Variants in BBS12 observed in about 807,000 individuals in gnomAD.
BBS12 encodes Bardet-Biedl syndrome 12, also known as chaperonin-containing T-complex member BBS12.
In BBS12, 5 loss-of-function variants were observed where a neutral mutation model predicts 5.6. The observed-to-expected ratio is 0.89, with a 90% confidence interval of 0.46 to 1.86. The LOEUF is 1.86. Among genes scored for constraint, BBS12 ranks in the 40% most tolerant of loss-of-function variants. BBS12 has a pLI of 0.01. For missense variants in BBS12, 748 were observed against 830.4 expected, an observed-to-expected ratio of 0.90 and a Z score of 1.22; for synonymous variants, 308 against 306.8, an observed-to-expected ratio of 1.00 and a Z score of -0.04.
the BBS12 span, among the ~76,000 whole-genome samples, chr4:122,715,853 A>T: frequency 6.6e-6 from 1 of 152,162 alleles, no homozygotes; most frequent in Non-Finnish European, 1.5e-5. Context: ...CTTGGGTCAA[A>T]TTTTTTATAT....
Position 122,743,123 on chromosome 4 carries a change from C to T in BBS12, c.1231C>T (p.Leu411Phe). 2 of 1,614,228 alleles carry T rather than the reference C, an allele frequency of 1.2e-6. No homozygotes were observed. Among genetic ancestry groups the T allele is most frequent in the South Asian group, 1.1e-5 (1 of 91,086 alleles). The change falls in exon 2 of 2, where the codon CTT becomes TTT. Residue 411 changes from leucine to phenylalanine, a missense_variant. Leu to Phe is a conservative substitution (Grantham distance 22). Coordinates refer to ENST00000314218, the MANE Select transcript of BBS12 (RefSeq NM_152618.3). ...LQVLIQFKVNLVLVQGNVSER... is the reference protein window; with the variant it reads ...LQVLIQFKVNFVLVQGNVSER... ...GGTGTTAATCCAGTTCAAGGTGAAC[C>T]TTGTCCTGGTACAAGGAAATGTGTC...
At position 122,742,472 on chromosome 4, in the gene BBS12, C is replaced by G. The variant is rs200300023; in HGVS notation, c.580C>G (p.Leu194Val). The change falls in exon 2 of 2, where the codon CTT (leucine) becomes GTT (valine). Residue 194 changes from leucine to valine, a missense_variant. By Grantham distance (32) the Leu-to-Val change is conservative (BLOSUM62 1). Coordinates refer to ENST00000314218, the MANE Select transcript of BBS12 (RefSeq NM_152618.3). ...LTISNLSGRP[L>V]KSYELFKPQT... ...CATTTCCAACCTTTCTGGGAGACCT[C>G]TTAAATCATATGAATTATTTAAACC... 8 of 1,613,964 alleles carry G rather than the reference C, an allele frequency of 5.0e-6. No individual in the cohort carries two copies. The highest frequency in any genetic ancestry group is 3.3e-4 in the Middle Eastern group (2 of 6,084).
the BBS12 span, among the ~76,000 whole-genome samples, chr4:122,727,566 T>TTTTTTTTTTTTTTTTTTG: frequency 9.6e-6 from 1 of 104,212 alleles, no homozygotes; most frequent in African/African-American, 4.9e-5. Flanking sequence ...TTTTTTTTTT[T>TTTTTTTTTTTTTTTTTTG]TGAGATGGAG....
the BBS12 span, among the ~76,000 whole-genome samples, chr4:122,708,142 G>T: frequency 1.3e-5 from 2 of 151,816 alleles, no homozygotes; most frequent in African/African-American, 4.8e-5. Context: ...CTCCCGAGTA[G>T]CTGGGACCAC....
upstream of BBS12, chr4:122,728,751 T>C (rs1255203858): frequency 6.6e-6 from 1 of 152,234 alleles, no homozygotes; most frequent in Non-Finnish European, 1.5e-5. Flanking sequence ...CCTCTTGTGT[T>C]GACAAGACAA....
chr4:122,716,831 T>G, the BBS12 span, among the ~76,000 whole-genome samples: 5 of 152,020 alleles, frequency 3.3e-5, no homozygotes, highest in African/African-American at 1.2e-4. Context: ...GACTTTTCAT[T>G]AACATAAGTG....
chr4:122,713,318 AT>A, the BBS12 span, among the ~76,000 whole-genome samples: 187 of 150,486 alleles, frequency 1.2e-3, 2 homozygotes, highest in African/African-American at 3.1e-3. Flanking sequence ...TGTATTTTTA[AT>A]TTTTTTTTTA....
At chr4:122,704,575 G>A in the BBS12 span, among the ~76,000 whole-genome samples, 3 of 152,110 alleles carry the variant, frequency 2.0e-5, no homozygotes, top group African/African-American at 4.8e-5. Flanking sequence ...AATATAAGAC[G>A]GTACTTTAGA....
chr4:122,715,250 G>A, the BBS12 span, among the ~76,000 whole-genome samples: 1 of 149,978 alleles, frequency 6.7e-6, no homozygotes, highest in African/African-American at 2.5e-5. Context: ...TCCAGGCTTT[G>A]TGAATTCTCT....
intron 1 of BBS12, among the ~76,000 whole-genome samples, 180 bp downstream of exon 1, chr4:122,733,064 G>A (rs572457616): frequency 6.6e-6 from 1 of 152,184 alleles, no homozygotes; most frequent in Non-Finnish European, 1.5e-5. Context: ...AGAGGGGACT[G>A]CCCTTTCTTT....
intron 1 of BBS12, among the ~76,000 whole-genome samples, chr4:122,739,362 A>AAT (rs777289882): frequency 6.6e-6 from 1 of 152,256 alleles, no homozygotes; most frequent in African/African-American, 2.4e-5. Flanking sequence ...AGTTCATTCA[A>AAT]AAGTTAAAGA....
the BBS12 span, among the ~76,000 whole-genome samples, chr4:122,714,418 C>A: frequency 0.011 from 1,619 of 152,250 alleles, 14 homozygotes; most frequent in Non-Finnish European, 0.018. Context: ...CCTAGAAAAG[C>A]TTTTATGTGT....
chr4:122,707,530 T>C, the BBS12 span, among the ~76,000 whole-genome samples: 2 of 152,228 alleles, frequency 1.3e-5, no homozygotes, highest in African/African-American at 4.8e-5. Context: ...GCTTACAAAT[T>C]GAGACCACCA....
At chr4:122,727,548 T>TG in the BBS12 span, among the ~76,000 whole-genome samples, 1 of 95,320 alleles carries the variant, frequency 1.0e-5, no homozygotes, top group African/African-American at 5.6e-5. Flanking sequence ...TGGCCAATTT[T>TG]TTTTTTTTTT....
In BBS12 at chr4:122,743,911, G is replaced by T. The variant is rs751128980; in HGVS notation, c.2019G>T (p.Trp673Cys). 1.2e-6 allele frequency: 2 copies of T among 1,607,034 alleles called. No homozygotes were observed. Among genetic ancestry groups the T allele is most frequent in the African/African-American group, 2.7e-5 (2 of 74,498 alleles). ...YDVVTPKIEA[W>C]RRALDLVLLV... Reference sequence around the variant, plus strand: ...TTGTTACACCAAAGATTGAGGCGTGGCGCCGAGCATTGGATTTAGTATTGT... The same window carrying T: ...TTGTTACACCAAAGATTGAGGCGTGTCGCCGAGCATTGGATTTAGTATTGT... Residue 673 changes from tryptophan to cysteine, a missense_variant, in exon 2 of 2, where the codon TGG becomes TGT. Transcript: ENST00000314218.
At chr4:122,703,377 C>T in the BBS12 span, among the ~76,000 whole-genome samples, 2 of 152,088 alleles carry the variant, frequency 1.3e-5, no homozygotes, top group South Asian at 4.1e-4. Flanking sequence ...ACTTCATGGC[C>T]CTTCTTAAGA....
the BBS12 span, among the ~76,000 whole-genome samples, chr4:122,708,626 T>C: frequency 7.1e-6 from 1 of 139,902 alleles, no homozygotes; most frequent in South Asian, 2.1e-4. Flanking sequence ...ATTTGGGATG[T>C]AGTATTATAA....
At chr4:122,708,931 G>A in the BBS12 span, among the ~76,000 whole-genome samples, 4 of 151,846 alleles carry the variant, frequency 2.6e-5, no homozygotes, top group East Asian at 1.9e-4. Context: ...CGGTATTAAC[G>A]AACAATGATA....
chr4:122,717,434 T>C, the BBS12 span, among the ~76,000 whole-genome samples: 2 of 152,320 alleles, frequency 1.3e-5, no homozygotes, highest in East Asian at 3.9e-4. Flanking sequence ...GTCTTTAATT[T>C]CACTTCTCTG....
Sources: gnomAD v4.1 joint callset for allele counts (sites outside exome capture counted in the v4.1 genomes callset) on GRCh38, gnomAD v4.1.1 for gene constraint, MANE v1.5 for transcripts, NCBI Gene and HGNC (gene_info 2026-07-23, HGNC 2026-07-21) for gene names.